Variants in CERKL observed in about 807,000 individuals in gnomAD.
CERKL encodes CERK like autophagy regulator, also known as ceramide kinase-like protein.
CERKL carries 61 observed loss-of-function variants against 63.4 expected under a neutral mutation model. The ratio of observed to expected loss-of-function variants is 0.96; its 90% confidence interval spans 0.78 to 1.19. The LOEUF (loss-of-function observed/expected upper bound fraction) is 1.19, where lower values mean the gene tolerates loss of function less well. CERKL is among the 50% of genes most tolerant of loss of function. The pLI is 0.00. For missense variants in CERKL, 675 were observed against 655.5 expected, an observed-to-expected ratio of 1.03 and a Z score of -0.33; for synonymous variants, 250 against 230.5, an observed-to-expected ratio of 1.08 and a Z score of -0.77.
At chr2:181,547,906 G>GACAC (rs139036113) in intron 8 of CERKL, 59 bp from the exon 9 acceptor site, 50 of 1,291,804 alleles carry the variant, frequency 3.9e-5, no homozygotes, top group Non-Finnish European at 5.4e-5. Context: ...CAGACACACA[G>GACAC]ACACACACAA....
chr2:181,585,326 A>G (rs1323643920), intron 2 of CERKL, among the ~76,000 whole-genome samples: 2 of 152,168 alleles, frequency 1.3e-5, no homozygotes, highest in Non-Finnish European at 2.9e-5. Context: ...ATATTCTTTT[A>G]AAAACCCCAA....
intron 3 of CERKL, among the ~76,000 whole-genome samples, chr2:181,568,670 C>CT (rs55645686): frequency 0.35 from 50,673 of 143,848 alleles, 8,932 homozygotes; most frequent in South Asian, 0.6. Context: ...GGAGTATTTT[C>CT]TTTTTTTTTT....
intron 2 of CERKL, among the ~76,000 whole-genome samples, chr2:181,600,818 G>T (rs1212782762): frequency 6.6e-6 from 1 of 152,028 alleles, no homozygotes; most frequent in Non-Finnish European, 1.5e-5. Context: ...AACTAACAAA[G>T]GTATACACTG....
At chr2:181,545,586 T>TA (rs1226540227) in intron 10 of CERKL, among the ~76,000 whole-genome samples, 1 of 152,190 alleles carries the variant, frequency 6.6e-6, no homozygotes, top group Admixed American at 6.5e-5. Context: ...TAAGGGACCT[T>TA]AGAGATTATC....
chr2:181,571,761 C>T (rs999092502), intron 3 of CERKL, among the ~76,000 whole-genome samples: 9 of 152,064 alleles, frequency 5.9e-5, no homozygotes, highest in Admixed American at 1.3e-4. Context: ...TTTCAGTCAT[C>T]AGGAAAAGGG....
chr2:181,573,931 T>C, intron 2 of CERKL, 47 bp from the exon 3 acceptor site: 2 of 1,581,368 alleles, frequency 1.3e-6, no homozygotes, highest in Non-Finnish European at 1.7e-6. Flanking sequence ...TTGTCATCAT[T>C]TTTTTTCTTT....
At chr2:181,643,213 T>C (rs1687523284) in intron 1 of CERKL, among the ~76,000 whole-genome samples, 2 of 152,218 alleles carry the variant, frequency 1.3e-5, no homozygotes, top group African/African-American at 4.8e-5. Context: ...AAATGAAAGT[T>C]CATAGGTGGT....
intron 1 of CERKL, among the ~76,000 whole-genome samples, chr2:181,644,133 T>C (rs754375915): frequency 1.3e-5 from 2 of 152,232 alleles, no homozygotes; most frequent in Non-Finnish European, 2.9e-5. Flanking sequence ...GTGGCATCTG[T>C]CCATGTCCCC....
At chr2:181,562,521 A>C (rs920122592) in intron 4 of CERKL, among the ~76,000 whole-genome samples, 2 of 152,172 alleles carry the variant, frequency 1.3e-5, no homozygotes, top group Non-Finnish European at 2.9e-5. Context: ...CTAAATATAC[A>C]AGAAAGGCAA....
chr2:181,628,665 T>C (rs928399968), intron 1 of CERKL, among the ~76,000 whole-genome samples: 1 of 152,202 alleles, frequency 6.6e-6, no homozygotes, highest in Non-Finnish European at 1.5e-5. Flanking sequence ...GGATACATGA[T>C]CTAAAGTTTG....
chr2:181,546,930 T>A (rs778111616), intron 10 of CERKL, among the ~76,000 whole-genome samples: 3 of 152,170 alleles, frequency 2.0e-5, no homozygotes, highest in Non-Finnish European at 4.4e-5. Context: ...ATAATTCCCA[T>A]GTGTTGTGGG....
In CERKL at chr2:181,599,535, T is replaced by TCAAAACAAAACAAAACAAAACAAAA. The variant is rs60448862; in HGVS notation, c.481+4277_481+4301dup. On this transcript the variant is annotated intron_variant, in intron 2 of 12. Transcript: ENST00000410087. ...CTAGGCAACAGAGTGAGACTCCATC[T>TCAAAACAAAACAAAACAAAACAAAA]CAAAACAAAACAAAACAAAACAAAA... 2.7e-5 allele frequency among the ~76,000 whole-genome samples: 4 copies of TCAAAACAAAACAAAACAAAACAAAA among 148,348 alleles called. No individual in the cohort carries two copies. The Admixed American group carries it at 2.7e-4, about 10-fold the overall frequency.
In CERKL at chr2:181,571,025, TTGAAAC is replaced by T. The variant is rs562542222; in HGVS notation, c.613+2722_613+2727del. Among the ~76,000 whole-genome samples, 605 of 152,244 alleles carry T rather than the reference TTGAAAC, an allele frequency of 4.0e-3. 4 individuals carry two copies. Among genetic ancestry groups the T allele is most frequent in the African/African-American group, 0.014 (574 of 41,562 alleles). On this transcript the variant is annotated intron_variant, in intron 3 of 12. Transcript: ENST00000410087. Reference sequence around the variant, plus strand: ...ATTCGATCTTACTATGACATAATTTTTGAAACTGAAACTAACAGTATTATGACCACC... The same window carrying T: ...ATTCGATCTTACTATGACATAATTTTTGAAACTAACAGTATTATGACCACC...
intron 10 of CERKL, among the ~76,000 whole-genome samples, chr2:181,546,649 A>G: frequency 6.6e-6 from 1 of 152,108 alleles, no homozygotes; most frequent in Non-Finnish European, 1.5e-5. Flanking sequence ...CCTTTCTCCT[A>G]CACTCTACAG....
chr2:181,569,992 G>A (rs1200142911), intron 3 of CERKL, among the ~76,000 whole-genome samples: 1 of 152,130 alleles, frequency 6.6e-6, no homozygotes, highest in Admixed American at 6.6e-5. Flanking sequence ...TGAATCTAGT[G>A]ACCTTGGGCT....
intron 1 of CERKL, among the ~76,000 whole-genome samples, chr2:181,618,531 C>T (rs1686312425): frequency 6.6e-6 from 1 of 151,874 alleles, no homozygotes; most frequent in African/African-American, 2.4e-5. Context: ...GATTCTCGTG[C>T]CTCAGCCTCC....
Position 181,537,988 on chromosome 2 carries a change from C to T in CERKL, c.*196G>A, listed in dbSNP as rs1488229808. The T allele has an allele frequency of 1.5e-6, 1 of 673,332 alleles. No homozygotes were observed. The highest frequency in any genetic ancestry group is 1.8e-5 in the African/African-American group (1 of 56,194). 41.7% of individuals were successfully genotyped at this position (673,332 alleles called of 1,614,324 possible). A position where few individuals can be genotyped will look rare whatever the true frequency, so the allele number is the denominator to read the frequency against. On this transcript the variant is annotated 3_prime_UTR_variant, in exon 13 of 13. Coordinates refer to ENST00000410087, the MANE Select transcript of CERKL (RefSeq NM_201548.5). ...CTGGTATGTGAGGGATCTAGAGTGC[C>T]ATGTTCCTCAAGAGAATCTAATGCC... is the stretch of plus-strand genomic sequence containing the variant.
chr2:181,597,596 G>A (rs1451146670), intron 2 of CERKL, among the ~76,000 whole-genome samples: 1 of 152,180 alleles, frequency 6.6e-6, no homozygotes, highest in Non-Finnish European at 1.5e-5. Context: ...TTGTGACCCA[G>A]GGCAATGTTA....
chr2:181,654,982 C>G (rs1270301973), intron 1 of CERKL, among the ~76,000 whole-genome samples: 4 of 152,138 alleles, frequency 2.6e-5, no homozygotes, highest in African/African-American at 9.7e-5. Context: ...TTGGTTTCTT[C>G]CATAAACAGA....
Sources: gnomAD v4.1 joint callset for allele counts (sites outside exome capture counted in the v4.1 genomes callset) on GRCh38, gnomAD v4.1.1 for gene constraint, MANE v1.5 for transcripts, NCBI Gene and HGNC (gene_info 2026-07-23, HGNC 2026-07-21) for gene names.